The following UBE2E2 variants were observed in gnomAD, a reference collection of about 807,000 sequenced individuals.
UBE2E2 encodes the protein ubiquitin-conjugating enzyme E2 E2.
UBE2E2 carries 6 observed loss-of-function variants against 24.7 expected under a neutral mutation model. The ratio of observed to expected loss-of-function variants is 0.24; its 90% CI spans 0.13 to 0.48. The LOEUF is 0.48. Ranked by LOEUF, UBE2E2 falls within the 20% of genes least tolerant of loss-of-function variation. The pLI is 0.99. For missense variants in UBE2E2, 169 were observed against 245.0 expected (o/e 0.69, Z 2.07); for synonymous variants, 104 against 83.6 (o/e 1.24, Z -1.33).
At chr3:23,520,063 A>G (rs1363388703) in intron 4 of UBE2E2, among the ~76,000 whole-genome samples, 7 of 152,150 alleles carry the variant, frequency 4.6e-5, no homozygotes, top group African/African-American at 1.7e-4. Context: ...TGTAAAGTCA[A>G]ACTGTTGAGA....
intron 4 of UBE2E2, among the ~76,000 whole-genome samples, chr3:23,518,990 C>A (rs1694803849): frequency 6.6e-6 from 1 of 152,142 alleles, no homozygotes; most frequent in Non-Finnish European, 1.5e-5. Context: ...CAATCCTGTT[C>A]CAAATCCCTA....
At chr3:23,361,598 G>A (rs886414008) in intron 3 of UBE2E2, among the ~76,000 whole-genome samples, 4 of 152,196 alleles carry the variant, frequency 2.6e-5, no homozygotes, top group Non-Finnish European at 2.9e-5. Context: ...AATATTCTAT[G>A]TTCTCATTTG....
intron 3 of UBE2E2, among the ~76,000 whole-genome samples, chr3:23,360,603 A>T (rs1388945952): frequency 1.3e-5 from 2 of 152,168 alleles, no homozygotes; most frequent in African/African-American, 2.4e-5. Flanking sequence ...GACTAGCTTC[A>T]GGTTCATGGT....
At position 23,450,702 on chromosome 3, in the gene UBE2E2, T is replaced by A. The variant is rs1698545266; in HGVS notation, c.228-48906T>A. ...TCTATTTAAATATTCCGGCTTTATT[T>A]TCTACTTTACGTTTTAATTTGCAAC... On this transcript the variant is annotated intron_variant, in intron 3 of 5. Transcript: ENST00000396703. 2.0e-5 allele frequency among the ~76,000 whole-genome samples: 3 copies of A among 152,166 alleles called. No individual in the cohort carries two copies. The South Asian group carries it at 6.2e-4, about 32-fold the overall frequency.
At chr3:23,422,397 T>C (rs1262908137) in intron 3 of UBE2E2, among the ~76,000 whole-genome samples, 1 of 152,208 alleles carries the variant, frequency 6.6e-6, no homozygotes, top group Non-Finnish European at 1.5e-5. Context: ...CTCTGCTGCT[T>C]CCCAGCTGCA....
intron 3 of UBE2E2, among the ~76,000 whole-genome samples, chr3:23,268,631 G>T (rs1474839473): frequency 6.8e-6 from 1 of 147,860 alleles, no homozygotes; most frequent in African/African-American, 2.5e-5. Context: ...TACTGCCCAA[G>T]GTAATTTATA....
chr3:23,402,279 A>G (rs756484213), intron 3 of UBE2E2, among the ~76,000 whole-genome samples: 6 of 152,228 alleles, frequency 3.9e-5, no homozygotes, highest in Non-Finnish European at 8.8e-5. Flanking sequence ...TTATGAAACA[A>G]CTTCCACGTA....
rs1005862141 is a variant in UBE2E2 at position 23,474,095 on chromosome 3, A to G, written c.228-25513A>G. Among the ~76,000 whole-genome samples, 3 of 151,962 alleles carry G rather than the reference A, an allele frequency of 2.0e-5. No homozygotes were observed. Among genetic ancestry groups the G allele is most frequent in the Non-Finnish European group, 4.4e-5 (3 of 68,024 alleles). On this transcript the variant is annotated intron_variant, in intron 3 of 5. Transcript: ENST00000396703. The surrounding 1 kb of genome is among the most constrained non-coding windows in gnomAD (Gnocchi z 4.0). ...TTTTTTATTTTTTTGCGGGAGTAAG[A>G]TGGTATCGCATTGTGGTTTTGATTT...
At chr3:23,376,649 G>A (rs1696528918) in intron 3 of UBE2E2, among the ~76,000 whole-genome samples, 1 of 151,936 alleles carries the variant, frequency 6.6e-6, no homozygotes, top group Non-Finnish European at 1.5e-5. Flanking sequence ...CCACAGGTAA[G>A]GTCCCTCAAG....
chr3:23,357,474 C>A (rs915843171), intron 3 of UBE2E2, among the ~76,000 whole-genome samples: 1 of 151,906 alleles, frequency 6.6e-6, no homozygotes, highest in African/African-American at 2.4e-5. Context: ...ATATTTGATT[C>A]TTTTTCAGTT....
At chr3:23,538,301 A>T (rs1270466384) in intron 5 of UBE2E2, among the ~76,000 whole-genome samples, 3 of 152,254 alleles carry the variant, frequency 2.0e-5, no homozygotes, top group African/African-American at 7.2e-5. Context: ...TCTACCTGCT[A>T]AATTCTAAAA....
intron 3 of UBE2E2, among the ~76,000 whole-genome samples, chr3:23,455,400 G>A (rs1698656409): frequency 6.6e-6 from 1 of 152,094 alleles, no homozygotes; most frequent in African/African-American, 2.4e-5. Flanking sequence ...GTCTAAAGAG[G>A]ACAATGCATA....
intron 4 of UBE2E2, among the ~76,000 whole-genome samples, chr3:23,513,648 G>A (rs113757294): frequency 3.3e-5 from 5 of 152,088 alleles, no homozygotes; most frequent in Non-Finnish European, 5.9e-5. Flanking sequence ...GCCCTCCAAA[G>A]AAGCTATACA....
rs796101472 is a variant in UBE2E2, at chr3:23,571,282, T to C, written c.509-18452T>C. Among the ~76,000 whole-genome samples, 118 of 64,628 alleles carry C rather than the reference T, an allele frequency of 1.8e-3. 2 individuals are homozygous for C. Among genetic ancestry groups the C allele is most frequent in the African/African-American group, 6.4e-3 (107 of 16,744 alleles). The allele number at this position is 64,628 out of a possible 152,430, so 42.4% of individuals were successfully genotyped here. ...TCCCCTCACCTGTGTGCTCCTTTCT[T>C]TTTTTTTTTTTTTTTTTTTTTTTTT... On this transcript the variant is annotated intron_variant, in intron 5 of 5. Coordinates refer to ENST00000396703, the MANE Select transcript of UBE2E2 (RefSeq NM_152653.4).
At chr3:23,317,438 C>T (rs1162648623) in intron 3 of UBE2E2, among the ~76,000 whole-genome samples, 2 of 152,202 alleles carry the variant, frequency 1.3e-5, no homozygotes, top group Non-Finnish European at 2.9e-5. Context: ...TGTCTCTCCG[C>T]ACCATGCAGT....
intron 5 of UBE2E2, among the ~76,000 whole-genome samples, chr3:23,578,030 T>G (rs1180535051): frequency 6.6e-6 from 1 of 150,400 alleles, no homozygotes; most frequent in Non-Finnish European, 1.5e-5. Flanking sequence ...AAAAAAAGAT[T>G]CTTTTCAAAA....
chr3:23,514,570 C>A (rs1399438411), intron 4 of UBE2E2, among the ~76,000 whole-genome samples: 1 of 151,804 alleles, frequency 6.6e-6, no homozygotes, highest in Non-Finnish European at 1.5e-5. Context: ...TCCAGTAAAC[C>A]CAGTAGAAAG....
At chr3:23,289,881 A>C (rs1255113075) in intron 3 of UBE2E2, among the ~76,000 whole-genome samples, 1 of 152,214 alleles carries the variant, frequency 6.6e-6, no homozygotes, top group Non-Finnish European at 1.5e-5. Context: ...TGGTTCTGTA[A>C]AAGTTATTTT....
At chr3:23,562,396 G>A (rs529328822) in intron 5 of UBE2E2, among the ~76,000 whole-genome samples, 1 of 152,310 alleles carries the variant, frequency 6.6e-6, no homozygotes, top group East Asian at 1.9e-4. Context: ...TGTTGAACCA[G>A]CCTTGCATCC....
Sources: allele counts gnomAD v4.1 joint callset (sites outside exome capture counted in the v4.1 genomes callset), GRCh38; gene constraint gnomAD v4.1.1; non-coding constraint Gnocchi (gnomAD v3.1); transcripts MANE v1.5; gene names NCBI Gene and HGNC (gene_info 2026-07-23, HGNC 2026-07-21).